Variants in NAV2 observed in about 807,000 individuals in gnomAD.
NAV2 encodes neuron navigator 2, also known as helicase, APC down-regulated 1.
Under a neutral mutation model 223.2 loss-of-function variants are expected in NAV2, and 54 were observed. The observed-to-expected ratio is 0.24, with a 90% CI of 0.19 to 0.30. The LOEUF (loss-of-function observed/expected upper bound fraction) is 0.30. NAV2 is among the 10% of genes least tolerant of loss of function. The pLI is 1.00. For synonymous variants in NAV2, 1,279 were observed against 1,239.3 expected, an observed-to-expected ratio of 1.03 and a Z score of -0.67; for missense variants, 2,806 against 3,147.5, an observed-to-expected ratio of 0.89 and a Z score of 2.60.
At chr11:19,467,496 C>G (rs1852410282) in intron 1 of NAV2, among the ~76,000 whole-genome samples, 1 of 152,178 alleles carries the variant, frequency 6.6e-6, no homozygotes, top group Non-Finnish European at 1.5e-5. Flanking sequence ...TTCTGGGTAC[C>G]TTTCCATTGG....
At chr11:19,850,166 C>T (rs1008380486) in intron 3 of NAV2, among the ~76,000 whole-genome samples, 16 of 152,310 alleles carry the variant, frequency 1.1e-4, no homozygotes, top group Admixed American at 3.9e-4. Context: ...TGCCACAGGA[C>T]TGATCTCCCG....
chr11:19,909,539 C>T (rs1170591709), intron 6 of NAV2, among the ~76,000 whole-genome samples: 1 of 152,146 alleles, frequency 6.6e-6, no homozygotes, highest in Non-Finnish European at 1.5e-5. Context: ...CTTTCCATAC[C>T]CTCAGTGAGC....
chr11:19,401,719 C>T (rs905442293), intron 1 of NAV2, among the ~76,000 whole-genome samples: 3 of 152,204 alleles, frequency 2.0e-5, no homozygotes, highest in African/African-American at 7.2e-5. Flanking sequence ...GAGCATGTGG[C>T]ATATTCCATA....
chr11:20,033,817 G>GT (rs111445298), intron 11 of NAV2, among the ~76,000 whole-genome samples: 24,975 of 152,186 alleles, frequency 0.16, 2,452 homozygotes, highest in African/African-American at 0.27. Flanking sequence ...GAACTTTGGG[G>GT]TTATGTGTGT....
In NAV2 at chr11:19,860,198, G is replaced by T. The variant is rs544285439; in HGVS notation, c.439-8727G>T. Among the ~76,000 whole-genome samples, 1,010 of 147,486 alleles carry T rather than the reference G, an allele frequency of 6.8e-3. 8 individuals are homozygous for T. The highest frequency in any genetic ancestry group is 0.024 in the African/African-American group (954 of 39,782). On this transcript the variant is annotated intron_variant, in intron 3 of 37. Transcript: ENST00000349880. ...ACCCCCCACCTCCCTCCCAGACGGG[G>T]TGGCTGCCGGGCGGAGACGCTCCTC... is the stretch of plus-strand genomic sequence containing the variant.
At chr11:20,093,507 A>G (rs149953101) in intron 29 of NAV2, among the ~76,000 whole-genome samples, 17 of 152,202 alleles carry the variant, frequency 1.1e-4, no homozygotes, top group African/African-American at 3.9e-4. Context: ...AATGTAATAT[A>G]CTCCCAAAGC....
intron 1 of NAV2, among the ~76,000 whole-genome samples, chr11:19,722,476 C>A (rs1345726860): frequency 2.0e-5 from 3 of 152,148 alleles, no homozygotes; most frequent in Non-Finnish European, 4.4e-5. Context: ...CTCCAGGAAG[C>A]CTTCTGCCAC....
intron 1 of NAV2, among the ~76,000 whole-genome samples, chr11:19,826,700 C>G (rs1290086470): frequency 6.6e-6 from 1 of 152,130 alleles, no homozygotes; most frequent in Non-Finnish European, 1.5e-5. Flanking sequence ...ATTAATGATC[C>G]TTGTGAAATG....
At chr11:19,517,100 T>C (rs2043481247) in intron 1 of NAV2, among the ~76,000 whole-genome samples, 1 of 151,836 alleles carries the variant, frequency 6.6e-6, no homozygotes, top group African/African-American at 2.4e-5. Context: ...AGAAAGGATG[T>C]GGATTGGTGA....
At chr11:20,103,113 C>A in intron 32 of NAV2, 142 bp from the exon 33 acceptor site, 3 of 731,940 alleles carry the variant, frequency 4.1e-6, no homozygotes, top group East Asian at 2.7e-5. Flanking sequence ...AATAGGCAGG[C>A]ACCCAGAATG....
At chr11:19,422,368 G>T (rs1850651297) in intron 1 of NAV2, among the ~76,000 whole-genome samples, 1 of 152,170 alleles carries the variant, frequency 6.6e-6, no homozygotes. Flanking sequence ...GGAACAGTGA[G>T]TTCAGTCTGG....
At chr11:19,889,744 G>A (rs2041331577) in intron 5 of NAV2, among the ~76,000 whole-genome samples, 3 of 152,190 alleles carry the variant, frequency 2.0e-5, no homozygotes, top group Admixed American at 2.0e-4. Context: ...AACCACGGAT[G>A]TTTCATTCCA....
At chr11:19,788,510 A>G (rs191774800) in intron 1 of NAV2, among the ~76,000 whole-genome samples, 1 of 152,210 alleles carries the variant, frequency 6.6e-6, no homozygotes, top group African/African-American at 2.4e-5. Context: ...TTCACCCTTC[A>G]CTTAGAGAAC....
At chr11:19,943,746 C>T (rs1467336126) in intron 8 of NAV2, among the ~76,000 whole-genome samples, 1 of 152,078 alleles carries the variant, frequency 6.6e-6, no homozygotes, top group African/African-American at 2.4e-5. Context: ...AAATATTGCT[C>T]AACGCTTGAA....
rs148420215 is a variant in NAV2, at chr11:19,995,699, C to G, written c.2768+11452C>G. ...TTTCTGATGCTTTGGAGAAAATCTGCTATTATACATTGCAATGGATTTTGT... is the reference window on the plus strand; with the variant it reads ...TTTCTGATGCTTTGGAGAAAATCTGGTATTATACATTGCAATGGATTTTGT... On this transcript the variant is annotated intron_variant, in intron 11 of 37. Coordinates refer to ENST00000349880, the MANE Select transcript of NAV2 (RefSeq NM_145117.5). 2.8e-4 allele frequency among the ~76,000 whole-genome samples: 42 copies of G among 152,266 alleles called. No homozygotes were observed. In the South Asian group the frequency reaches 8.1e-3, roughly 29 times the overall value.
At chr11:19,839,527 T>C (rs1459012032) in intron 2 of NAV2, among the ~76,000 whole-genome samples, 2 of 152,180 alleles carry the variant, frequency 1.3e-5, no homozygotes, top group Non-Finnish European at 2.9e-5. Flanking sequence ...TCAGACAACA[T>C]GTAGGACTAT....
At chr11:19,953,609 C>CA (rs1316403435) in intron 10 of NAV2, among the ~76,000 whole-genome samples, 1 of 152,224 alleles carries the variant, frequency 6.6e-6, no homozygotes, top group Non-Finnish European at 1.5e-5. Flanking sequence ...AGCTCAGTCT[C>CA]ACGTGTTTCT....
chr11:19,869,994 G>A (rs1351248187), intron 4 of NAV2, among the ~76,000 whole-genome samples: 2 of 152,170 alleles, frequency 1.3e-5, no homozygotes, highest in African/African-American at 4.8e-5. Context: ...GGTATTGGGG[G>A]TGGGTGGTAT....
At chr11:19,854,461 A>C (rs2061316073) in intron 3 of NAV2, among the ~76,000 whole-genome samples, 2 of 152,204 alleles carry the variant, frequency 1.3e-5, no homozygotes, top group Admixed American at 1.3e-4. Context: ...TATTTCATTA[A>C]AATTGATCTT....
Sources: gnomAD v4.1 joint callset for allele counts (sites outside exome capture counted in the v4.1 genomes callset) on GRCh38, gnomAD v4.1.1 for gene constraint, MANE v1.5 for transcripts, NCBI Gene and HGNC (gene_info 2026-07-23, HGNC 2026-07-21) for gene names.